CMTR1: variants seen among roughly 807,000 people sequenced by gnomAD.
CMTR1 encodes the protein cap methyltransferase 1.
In CMTR1, 39 loss-of-function variants were observed where a neutral mutation model predicts 107.0. The observed-to-expected ratio is 0.36, with a 90% CI of 0.28 to 0.48. The LOEUF (loss-of-function observed/expected upper bound fraction) is 0.48, where lower values mean the gene tolerates loss of function less well. CMTR1 is among the 20% of genes least tolerant of loss of function. CMTR1 has a pLI of 0.99. For missense variants in CMTR1, 672 were observed against 1,064.9 expected, an observed-to-expected ratio of 0.63 and a Z score of 5.14; for synonymous variants, 366 against 379.5, an observed-to-expected ratio of 0.96 and a Z score of 0.41.
Position 37,480,328 on chromosome 6 carries a change from C to T in CMTR1, c.*183C>T. On this transcript the variant is annotated 3_prime_UTR_variant, in exon 24 of 24. Transcript: ENST00000373451. ...AGCTCAGGCAGGGCCCTGCAGAGAA[C>T]ACTCATGTTCCTTCTGGGACACCTG... is the stretch of plus-strand genomic sequence containing the variant. 1.4e-6 allele frequency: 2 copies of T among 1,385,222 alleles called. No individual in the cohort carries two copies. The highest frequency in any genetic ancestry group is 1.7e-5 in the South Asian group (1 of 58,258). The allele number at this position is 1,385,222 out of a possible 1,614,324, so 85.8% of individuals were successfully genotyped here. A position where few individuals can be genotyped will look rare whatever the true frequency, so the allele number is the denominator to read the frequency against.
chr6:37,450,002 A>G (rs1674650666), intron 4 of CMTR1, among the ~76,000 whole-genome samples: 1 of 152,224 alleles, frequency 6.6e-6, no homozygotes, highest in Non-Finnish European at 1.5e-5. Flanking sequence ...TAATGGAACA[A>G]ATGAAAGAAA....
Position 37,437,692 on chromosome 6 carries a change from C to T in CMTR1, c.133+1930C>T, listed in dbSNP as rs80189095. Among the ~76,000 whole-genome samples, 3 of 152,238 alleles carry T rather than the reference C, an allele frequency of 2.0e-5. No homozygotes were observed. In the East Asian group the frequency reaches 5.8e-4, roughly 29 times the overall value. The stretch of plus-strand genomic sequence containing the variant: ...TCCTGAGTAAGAAGGCAAAAACTTA[C>T]TGCACGCGATGGTTCTGGAGATTCT... On this transcript the variant is annotated intron_variant, in intron 2 of 23. Coordinates refer to ENST00000373451, the MANE Select transcript of CMTR1 (RefSeq NM_015050.3).
upstream of CMTR1, among the ~76,000 whole-genome samples, chr6:37,429,974 A>G (rs1340575825): frequency 6.6e-6 from 1 of 152,072 alleles, no homozygotes; most frequent in Non-Finnish European, 1.5e-5. Flanking sequence ...TATACTCTCA[A>G]GTTAGGTTAC....
chr6:37,455,115 G>A (rs888309895), intron 8 of CMTR1, among the ~76,000 whole-genome samples: 8 of 149,350 alleles, frequency 5.4e-5, no homozygotes, highest in African/African-American at 1.7e-4. Flanking sequence ...ACGGAGTTTC[G>A]CTGTTGTTGC....
In CMTR1 at chr6:37,458,841, A is replaced by C; in HGVS notation, c.976+31A>C. ...GACATTGAGGAGGGTACTAGGAGGT[A>C]TGAGGGACAGCCCCTCTATGGGGAC... is the stretch of plus-strand genomic sequence containing the variant. On this transcript the variant is annotated intron_variant, in intron 9 of 23. Coordinates refer to ENST00000373451, the MANE Select transcript of CMTR1 (RefSeq NM_015050.3). This position sits in a 1 kb window ranked among gnomAD's most constrained non-coding sequence, Gnocchi z 4.7. 6.2e-7 allele frequency: 1 copy of C among 1,604,036 alleles called. No individual in the cohort carries two copies. Among genetic ancestry groups the C allele is most frequent in the Non-Finnish European group, 8.5e-7 (1 of 1,172,284 alleles).
chr6:37,435,161 T>C (rs1054973577), intron 1 of CMTR1, among the ~76,000 whole-genome samples: 60 of 152,234 alleles, frequency 3.9e-4, no homozygotes, highest in African/African-American at 1.4e-3. Flanking sequence ...CTTAATTGTT[T>C]TGGTAAAATA....
the CMTR1 span, among the ~76,000 whole-genome samples, chr6:37,428,184 A>G: frequency 6.6e-6 from 1 of 152,218 alleles, no homozygotes; most frequent in African/African-American, 2.4e-5. Flanking sequence ...TTTAGGAAAA[A>G]TGAGGAGGAT....
chr6:37,448,044 A>G lies in CMTR1; in HGVS notation c.444+1595A>G, dbSNP rs149096270. Among the ~76,000 whole-genome samples, 270 of 151,912 alleles carry G rather than the reference A, an allele frequency of 1.8e-3. 1 individual carries two copies. Among genetic ancestry groups the G allele is most frequent in the African/African-American group, 6.2e-3 (258 of 41,434 alleles). ...GCTAACACGGTGAAATCCCGTCTCT[A>G]CTAAAAAATACAAAAAATTAGCCGG... is the stretch of plus-strand genomic sequence containing the variant. On this transcript the variant is annotated intron_variant, in intron 4 of 23. Coordinates refer to ENST00000373451, the MANE Select transcript of CMTR1 (RefSeq NM_015050.3).
In CMTR1 at chr6:37,435,558, A is replaced by T. The variant is rs373707891; in HGVS notation, c.-6-66A>T. The T allele has an allele frequency of 1.3e-5, 19 of 1,516,004 alleles. No homozygotes were observed. The African/African-American group carries it at 1.3e-4, about 10-fold the overall frequency. The allele number at this position is 1,516,004 out of a possible 1,614,324, so 93.9% of individuals were successfully genotyped here. A position where few individuals can be genotyped will look rare whatever the true frequency, so the allele number is the denominator to read the frequency against. On this transcript the variant is annotated intron_variant, in intron 1 of 23. Coordinates refer to ENST00000373451, the MANE Select transcript of CMTR1 (RefSeq NM_015050.3). The stretch of plus-strand genomic sequence containing the variant: ...ATCCCATTGATGATTTACACTTTGG[A>T]ATCCCTGCTGTGATCCCAGTGGCTG...
At chr6:37,430,348 G>C (rs1771344877), upstream of CMTR1, among the ~76,000 whole-genome samples, 1 of 152,016 alleles carries the variant, frequency 6.6e-6, no homozygotes, top group Non-Finnish European at 1.5e-5. Flanking sequence ...ATTTTGACAG[G>C]AATTGGAAAT....
At chr6:37,461,469 C>T (rs562826062) in intron 10 of CMTR1, 80 bp from the exon 11 acceptor site, 33 of 729,172 alleles carry the variant, frequency 4.5e-5, no homozygotes, top group South Asian at 4.2e-4. Context: ...CAAGAACTCT[C>T]GATGAAGATG....
At chr6:37,452,559 T>A (rs377547099) in intron 6 of CMTR1, among the ~76,000 whole-genome samples, 1 of 152,164 alleles carries the variant, frequency 6.6e-6, no homozygotes, top group Admixed American at 6.6e-5. Flanking sequence ...TGAGGATTTC[T>A]TTATCTAGAG....
At chr6:37,454,874 AC>A (rs1761257779) in intron 8 of CMTR1, among the ~76,000 whole-genome samples, 1 of 152,066 alleles carries the variant, frequency 6.6e-6, no homozygotes, top group African/African-American at 2.4e-5. Flanking sequence ...GCCAAGCCCC[AC>A]AGGCTTGGTG....
intron 18 of CMTR1, 92 bp downstream of exon 18, chr6:37,474,738 C>T (rs1293447581): frequency 3.9e-6 from 6 of 1,553,844 alleles, no homozygotes; most frequent in Admixed American, 1.8e-5. Context: ...AACTTGGTTA[C>T]ATTGTGTGGT....
intron 4 of CMTR1, 77 bp from the exon 5 acceptor site, chr6:37,450,173 TG>T (rs34187488): frequency 1.5e-5 from 19 of 1,236,528 alleles, no homozygotes; most frequent in Non-Finnish European, 2.3e-5. Context: ...TTGATTGTTT[TG>T]GGGAAGTCCT....
At chr6:37,469,686 C>A (rs1002104127) in intron 13 of CMTR1, among the ~76,000 whole-genome samples, 1 of 151,506 alleles carries the variant, frequency 6.6e-6, no homozygotes, top group African/African-American at 2.4e-5. Flanking sequence ...CACCACCATG[C>A]CTGGCTAGTT....
chr6:37,454,559 T>C (rs753238098), intron 8 of CMTR1, among the ~76,000 whole-genome samples: 10 of 152,244 alleles, frequency 6.6e-5, no homozygotes, highest in Non-Finnish European at 1.3e-4. Flanking sequence ...TTTTTGGCTT[T>C]TGTATACAAA....
In CMTR1 at chr6:37,480,209, C is replaced by T; in HGVS notation, c.*64C>T. The T allele has an allele frequency of 6.3e-7, 1 of 1,585,078 alleles. No individual in the cohort carries two copies. The highest frequency in any genetic ancestry group is 8.5e-7 in the Non-Finnish European group (1 of 1,170,396). ...ATTCCTGAGATGGGGCCACCTGGGG[C>T]CCACAGTGCTGGCTTCTTCCCCCTC... On this transcript the variant is annotated 3_prime_UTR_variant, in exon 24 of 24. Coordinates refer to ENST00000373451, the MANE Select transcript of CMTR1 (RefSeq NM_015050.3).
chr6:37,465,651 A>C (rs1000330793), intron 13 of CMTR1, among the ~76,000 whole-genome samples: 22 of 151,784 alleles, frequency 1.4e-4, no homozygotes, highest in Non-Finnish European at 2.9e-4. Flanking sequence ...ACCCACCACC[A>C]CCCCCAGCTA....
Sources: allele counts gnomAD v4.1 joint callset (sites outside exome capture counted in the v4.1 genomes callset), GRCh38; gene constraint gnomAD v4.1.1; non-coding constraint Gnocchi (gnomAD v3.1); transcripts MANE v1.5; gene names NCBI Gene and HGNC (gene_info 2026-07-23, HGNC 2026-07-21).